The following KIF13A variants were observed in gnomAD, a reference collection of about 807,000 sequenced individuals.
KIF13A encodes the protein kinesin-like protein KIF13A.
A neutral mutation model predicts 212.2 loss-of-function variants in KIF13A; 79 were observed. That is an observed-to-expected ratio of 0.37 (90% CI 0.31 to 0.45). KIF13A has a LOEUF of 0.45. Among genes scored for constraint, KIF13A ranks in the 20% least tolerant of loss-of-function variants. The pLI, the probability that KIF13A is intolerant of heterozygous loss-of-function variation, is 1.00. For missense variants in KIF13A, 1,901 were observed against 2,209.0 expected (o/e 0.86, Z 2.79); for synonymous variants, 789 against 808.6 (o/e 0.98, Z 0.41).
chr6:17,849,487 A>G lies in KIF13A; in HGVS notation c.720T>C (p.Asn240=). 6.2e-7 allele frequency: 1 copy of G among 1,611,636 alleles called. No individual in the cohort carries two copies. Among genetic ancestry groups the G allele is most frequent in the African/African-American group, 1.3e-5 (1 of 74,988 alleles). Residue 240 remains asparagine, a splice_region_variant and synonymous_variant, in exon 9 of 39, where the codon AAT becomes AAC. Transcript: ENST00000259711. This position sits in a 1 kb window ranked among gnomAD's most constrained non-coding sequence, Gnocchi z 5.7. ...TQTLYDLQSG[N]SGEKVSKVSL... ...TGACCTTACTGACTTTCTCCCCGGA[A>G]TTCTAGTTATAGGAAACGAGAGAGA... is the stretch of plus-strand genomic sequence containing the variant.
intron 3 of KIF13A, 91 bp from the exon 4 acceptor site, chr6:17,873,528 G>A (rs1406156754): frequency 1.2e-6 from 1 of 854,906 alleles, no homozygotes; most frequent in Non-Finnish European, 1.9e-6. Flanking sequence ...AAGATGAGAA[G>A]GATGGCCACT....
intron 3 of KIF13A, among the ~76,000 whole-genome samples, chr6:17,891,183 C>T (rs1164628321): frequency 6.6e-6 from 1 of 152,150 alleles, no homozygotes; most frequent in Non-Finnish European, 1.5e-5. Flanking sequence ...TCCATAAATA[C>T]TACATCATAA....
chr6:17,933,916 G>A (rs1386950305), intron 2 of KIF13A, among the ~76,000 whole-genome samples: 2 of 152,150 alleles, frequency 1.3e-5, no homozygotes, highest in East Asian at 1.9e-4. Flanking sequence ...AGCTCCTGGA[G>A]CGCCTTTCAA....
At position 17,871,925 on chromosome 6, in the gene KIF13A, A is replaced by G. The variant is rs1030375638; in HGVS notation, c.220+1452T>C. ...AATGTTTTACTTTTGTTGTTGATTT[A>G]AATCTAAAAGTACACACCCGGCACA... is the stretch of plus-strand genomic sequence containing the variant. On this transcript the variant is annotated intron_variant, in intron 4 of 38. Coordinates refer to ENST00000259711, the MANE Select transcript of KIF13A (RefSeq NM_022113.6). This position sits in a 1 kb window ranked among gnomAD's most constrained non-coding sequence, Gnocchi z 4.4. 6.6e-6 allele frequency among the ~76,000 whole-genome samples: 1 copy of G among 152,224 alleles called. No homozygotes were observed. Among genetic ancestry groups the G allele is most frequent in the African/African-American group, 2.4e-5 (1 of 41,456 alleles).
chr6:17,923,092 C>T (rs972349350), intron 2 of KIF13A, among the ~76,000 whole-genome samples: 7 of 151,352 alleles, frequency 4.6e-5, no homozygotes, highest in African/African-American at 1.5e-4. Context: ...GGCAACATGG[C>T]GAAACCCTGT....
intron 34 of KIF13A, among the ~76,000 whole-genome samples, chr6:17,775,840 G>A (rs1759916364): frequency 6.6e-6 from 1 of 151,772 alleles, no homozygotes; most frequent in South Asian, 2.1e-4. Flanking sequence ...GATTGAGGTT[G>A]AAAAAAATAT....
intron 3 of KIF13A, among the ~76,000 whole-genome samples, chr6:17,875,739 G>A (rs368916054): frequency 6.6e-6 from 1 of 152,112 alleles, no homozygotes; most frequent in East Asian, 1.9e-4. Flanking sequence ...ACAGGCGTGA[G>A]CCACCATGCC....
rs1390480547 is a variant in KIF13A at position 17,982,889 on chromosome 6, G to A, written c.146+4165C>T. ...GCTGATATTGAAAGATACCAAAGGG[G>A]GCCAGGCGTGGTGGCTCACGCCTGT... On this transcript the variant is annotated intron_variant, in intron 2 of 38. Transcript: ENST00000259711. This position sits in a 1 kb window ranked among gnomAD's most constrained non-coding sequence, Gnocchi z 5.1. 6.6e-6 allele frequency among the ~76,000 whole-genome samples: 1 copy of A among 152,110 alleles called. No homozygotes were observed. The highest frequency in any genetic ancestry group is 1.5e-5 in the Non-Finnish European group (1 of 67,994).
At chr6:17,985,632 C>CGGGGGGGGGGGGGGGGGGGGGGGGGGG (rs1554128614) in intron 2 of KIF13A, among the ~76,000 whole-genome samples, 1 of 38,206 alleles carries the variant, frequency 2.6e-5, no homozygotes. Flanking sequence ...ATGCAGTTTG[C>CGGGGGGGGGGGGGGGGGGGGGGGGGGG]GGGGGGGTGG....
At position 17,805,521 on chromosome 6, in the gene KIF13A, A is replaced by G. The variant is rs1762866642; in HGVS notation, c.2258T>C (p.Ile753Thr). 6.2e-7 allele frequency: 1 copy of G among 1,613,710 alleles called. No homozygotes were observed. Among genetic ancestry groups the G allele is most frequent in the African/African-American group, 1.3e-5 (1 of 74,884 alleles). Residue 753 changes from isoleucine (I) to threonine (T), a missense_variant, in exon 19 of 39, where the codon ATT becomes ACT. Coordinates refer to ENST00000259711, the MANE Select transcript of KIF13A (RefSeq NM_022113.6). The stretch of plus-strand genomic sequence containing the variant: ...TTCTTGGTAAAGGTCTCTCATGTCA[A>G]TTAATTTATTCTCCAGCTTCTCAAT... ...WTIEKLENKLIDMRDLYQEWK... is the reference protein window; with the variant it reads ...WTIEKLENKLTDMRDLYQEWK...
chr6:17,819,733 AT>A (rs1440702107), intron 16 of KIF13A, among the ~76,000 whole-genome samples: 5 of 152,224 alleles, frequency 3.3e-5, no homozygotes, highest in Non-Finnish European at 7.3e-5. Context: ...TTCTAAAAAA[AT>A]ATGAGAAATA....
At chr6:17,875,530 C>T (rs1770471125) in intron 3 of KIF13A, among the ~76,000 whole-genome samples, 1 of 151,240 alleles carries the variant, frequency 6.6e-6, no homozygotes, top group South Asian at 2.1e-4. Flanking sequence ...TCTCAGCTCA[C>T]TGCAGCCTCT....
rs2150398397 is a variant in KIF13A at position 17,850,019 on chromosome 6, G to A, written c.717+304C>T. 6.6e-6 allele frequency among the ~76,000 whole-genome samples: 1 copy of A among 152,240 alleles called. No individual in the cohort carries two copies. The highest frequency in any genetic ancestry group is 6.5e-5 in the Admixed American group (1 of 15,292). On this transcript the variant is annotated intron_variant, in intron 8 of 38. Coordinates refer to ENST00000259711, the MANE Select transcript of KIF13A (RefSeq NM_022113.6). This position sits in a 1 kb window ranked among gnomAD's most constrained non-coding sequence, Gnocchi z 6.2. ...TCTTTTTTGTTTTTGTAGAGTCTGG[G>A]TGTTGCTATATTGTACAAGATGGTC...
In KIF13A at chr6:17,950,801, T is replaced by C. The variant is rs1053306758; in HGVS notation, c.146+36253A>G. ...AAAATCTCTAATTACTAAAGGACTT[T>C]TAAATCTTTCTTAATTTTGCATTTC... On this transcript the variant is annotated intron_variant, in intron 2 of 38. Transcript: ENST00000259711. 1.4e-5 allele frequency: 14 copies of C among 978,844 alleles called. No individual in the cohort carries two copies. The Admixed American group carries it at 4.9e-4, about 34-fold the overall frequency. The allele number at this position is 978,844 out of a possible 1,614,324, so 60.6% of individuals were successfully genotyped here.
chr6:17,873,078 G>A (rs1196862424), intron 4 of KIF13A, among the ~76,000 whole-genome samples: 3 of 152,180 alleles, frequency 2.0e-5, no homozygotes, highest in Non-Finnish European at 4.4e-5. Flanking sequence ...GAAAGCCTAT[G>A]GTCATAAATT....
intron 2 of KIF13A, among the ~76,000 whole-genome samples, chr6:17,937,397 G>A (rs1262287164): frequency 6.6e-6 from 1 of 152,132 alleles, no homozygotes; most frequent in Non-Finnish European, 1.5e-5. Context: ...ATCTCCAATT[G>A]TTTTAGTCCT....
chr6:17,954,395 G>C (rs1778163797), intron 2 of KIF13A, among the ~76,000 whole-genome samples: 1 of 151,728 alleles, frequency 6.6e-6, no homozygotes, highest in African/African-American at 2.4e-5. Flanking sequence ...CTTTTAGGGA[G>C]TAGGTGATTG....
At chr6:17,873,147 G>C (rs1301704934) in intron 4 of KIF13A, 1 of 447,468 alleles carries the variant, frequency 2.2e-6, no homozygotes, top group Non-Finnish European at 3.9e-6. Flanking sequence ...AAGGAGGTCA[G>C]GTGAACAATT....
At chr6:17,875,743 C>T (rs904234188) in intron 3 of KIF13A, among the ~76,000 whole-genome samples, 1 of 152,124 alleles carries the variant, frequency 6.6e-6, no homozygotes, top group East Asian at 1.9e-4. Flanking sequence ...GCGTGAGCCA[C>T]CATGCCTGGC....
Sources: gnomAD v4.1 joint callset for allele counts (sites outside exome capture counted in the v4.1 genomes callset) on GRCh38, gnomAD v4.1.1 for gene constraint, Gnocchi (gnomAD v3.1) non-coding constraint, MANE v1.5 for transcripts, NCBI Gene and HGNC (gene_info 2026-07-23, HGNC 2026-07-21) for gene names.